The following SLMAP variants were observed in gnomAD, a reference collection of about 807,000 sequenced individuals.
SLMAP encodes sarcolemma associated protein, also known as sarcolemmal membrane-associated protein.
A neutral mutation model predicts 128.8 loss-of-function variants in SLMAP; 44 were observed. The observed-to-expected ratio is 0.34, with a 90% CI of 0.27 to 0.44. SLMAP has a LOEUF of 0.44. SLMAP is among the 20% of genes least tolerant of loss of function. The probability of loss-of-function intolerance (pLI) is 1.00; values close to 1 mark genes in which losing one functional copy is unlikely to be tolerated. For missense variants in SLMAP, 787 were observed against 985.3 expected (o/e 0.80, Z 2.69); for synonymous variants, 327 against 348.8 (o/e 0.94, Z 0.70).
intron 14 of SLMAP, among the ~76,000 whole-genome samples, chr3:57,872,632 A>G (rs78426828): frequency 1.6e-4 from 24 of 152,324 alleles, no homozygotes; most frequent in East Asian, 5.8e-4. Context: ...AAGACAGACA[A>G]ACAAACAAAA....
rs1329024883 is a variant in SLMAP, at chr3:57,833,369, A to G, written c.346+1839A>G. Reference sequence around the variant, plus strand: ...TCTTTAGAAAATGCTATAGAAAGCTAAGAAGATGACCCTGAGATTCAAGGT... The same window carrying G: ...TCTTTAGAAAATGCTATAGAAAGCTGAGAAGATGACCCTGAGATTCAAGGT... On this transcript the variant is annotated intron_variant, in intron 3 of 24. Coordinates refer to ENST00000671191, the MANE Select transcript of SLMAP (RefSeq NM_001377540.1). Among the ~76,000 whole-genome samples the G allele has an allele frequency of 5.3e-5, 8 of 152,192 alleles. No homozygotes were observed. The East Asian group carries it at 1.3e-3, about 26-fold the overall frequency.
chr3:57,853,354 C>T (rs1250070652), intron 6 of SLMAP, among the ~76,000 whole-genome samples: 5 of 152,060 alleles, frequency 3.3e-5, no homozygotes, highest in Non-Finnish European at 5.9e-5. Flanking sequence ...CAAAATTTTC[C>T]GTAGTCATTA....
chr3:57,906,625 A>T (rs1033036687), intron 17 of SLMAP, among the ~76,000 whole-genome samples: 1 of 147,468 alleles, frequency 6.8e-6, no homozygotes, highest in African/African-American at 2.5e-5. Flanking sequence ...GCCAGAATAC[A>T]ATTTTTCTAG....
In SLMAP at chr3:57,804,627, C is replaced by G. The variant is rs148936200; in HGVS notation, c.199-26756C>G. ...GAGTGTAGTGTTGTGCACTTGTAGT[C>G]CCAGCTACCTGGGAGGCTGAGGTAG... On this transcript the variant is annotated intron_variant, in intron 2 of 24. Transcript: ENST00000671191. 5.3e-3 allele frequency among the ~76,000 whole-genome samples: 806 copies of G among 152,080 alleles called. 3 individuals carry two copies. The highest frequency in any genetic ancestry group is 0.01 in the Middle Eastern group (3 of 294).
chr3:57,916,997 G>C lies in SLMAP; in HGVS notation c.2230G>C (p.Glu744Gln). 3 of 1,613,956 alleles carry C rather than the reference G, an allele frequency of 1.9e-6. No individual in the cohort carries two copies. The highest frequency in any genetic ancestry group is 1.7e-6 in the Non-Finnish European group (2 of 1,179,914). ...ELENQVGSLK[E>Q]QHLRDSADLK... ...TGAGAATCAAGTGGGATCCTTGAAA[G>C]AACAGCATCTTCGGGATTCAGCTGA... The change falls in exon 22 of 25, where the codon GAA becomes CAA. Residue 744 changes from glutamate to glutamine, a missense_variant. This residue lies in a region of SLMAP where 715 missense variants were observed against 843.6 expected (regional missense o/e 0.85). Coordinates refer to ENST00000671191, the MANE Select transcript of SLMAP (RefSeq NM_001377540.1).
chr3:57,869,659 T>TATATATATATAA (rs1213782539), intron 13 of SLMAP, among the ~76,000 whole-genome samples: 1 of 115,446 alleles, frequency 8.7e-6, no homozygotes, highest in South Asian at 2.7e-4. Flanking sequence ...TATATATATA[T>TATATATATATAA]AATATATATA....
At chr3:57,878,418 TTCTTCATCATA>T (rs1486449926) in intron 14 of SLMAP, among the ~76,000 whole-genome samples, 1 of 152,232 alleles carries the variant, frequency 6.6e-6, no homozygotes, top group Non-Finnish European at 1.5e-5. Flanking sequence ...TAATCTCAGT[TTCTTCATCATA>T]TTTTCTCTTG....
intron 19 of SLMAP, among the ~76,000 whole-genome samples, chr3:57,912,110 T>C (rs2096715712): frequency 6.6e-6 from 1 of 152,184 alleles, no homozygotes; most frequent in Non-Finnish European, 1.5e-5. Flanking sequence ...CTATTTAATG[T>C]TTGTTTTTAC....
intron 14 of SLMAP, 152 bp from the exon 15 acceptor site, chr3:57,889,889 G>T (rs2096012053): frequency 1.9e-6 from 1 of 539,906 alleles, no homozygotes; most frequent in Admixed American, 3.1e-5. Flanking sequence ...AGTTCTCTTA[G>T]TTCCCCTTCC....
At chr3:57,884,655 A>G (rs1017167645) in intron 14 of SLMAP, among the ~76,000 whole-genome samples, 2 of 152,098 alleles carry the variant, frequency 1.3e-5, no homozygotes, top group African/African-American at 4.8e-5. Flanking sequence ...AAAAAATGCA[A>G]AGAATCAGCC....
At chr3:57,884,875 A>C (rs1189510803) in intron 14 of SLMAP, among the ~76,000 whole-genome samples, 1 of 152,152 alleles carries the variant, frequency 6.6e-6, no homozygotes, top group East Asian at 1.9e-4. Flanking sequence ...CAGTGGGTGT[A>C]ATAAGCCCTG....
chr3:57,853,998 T>TAA (rs1485109106), intron 6 of SLMAP, among the ~76,000 whole-genome samples: 3 of 108,030 alleles, frequency 2.8e-5, no homozygotes, highest in African/African-American at 1.1e-4. Flanking sequence ...TATATATATA[T>TAA]ATTTACATAT....
At chr3:57,825,675 C>G (rs2092874419) in intron 2 of SLMAP, among the ~76,000 whole-genome samples, 1 of 151,994 alleles carries the variant, frequency 6.6e-6, no homozygotes. Context: ...GAAAGCCTTG[C>G]ACCAGTTCTT....
chr3:57,759,058 G>A (rs961112071), intron 2 of SLMAP, among the ~76,000 whole-genome samples: 3 of 152,186 alleles, frequency 2.0e-5, no homozygotes, highest in Non-Finnish European at 4.4e-5. Flanking sequence ...CTGATTTAAG[G>A]AATTATTTTG....
At chr3:57,791,129 G>C (rs1195768267) in intron 2 of SLMAP, among the ~76,000 whole-genome samples, 1 of 152,182 alleles carries the variant, frequency 6.6e-6, no homozygotes, top group Non-Finnish European at 1.5e-5. Context: ...ACTGAGGCGG[G>C]CAGATCACTT....
At chr3:57,922,811 C>T (rs1277741029) in intron 22 of SLMAP, 78 bp from the exon 23 acceptor site, 26 of 1,308,748 alleles carry the variant, frequency 2.0e-5, no homozygotes, top group Non-Finnish European at 2.6e-5. Context: ...TAGGATCTGG[C>T]GTATAAACCT....
intron 2 of SLMAP, among the ~76,000 whole-genome samples, chr3:57,806,498 C>G (rs988220293): frequency 6.6e-6 from 1 of 151,934 alleles, no homozygotes; most frequent in Non-Finnish European, 1.5e-5. Context: ...AGTGCAGTGG[C>G]ACAATCTTGG....
At chr3:57,901,308 A>G (rs2096374645) in intron 17 of SLMAP, 1 of 152,186 alleles carries the variant, frequency 6.6e-6, no homozygotes, top group African/African-American at 2.4e-5. Flanking sequence ...CATTTACCAC[A>G]CAGAGAGTTA....
chr3:57,872,523 G>C (rs567882615), intron 14 of SLMAP, among the ~76,000 whole-genome samples: 1 of 152,248 alleles, frequency 6.6e-6, no homozygotes, highest in African/African-American at 2.4e-5. Flanking sequence ...GGAGGCTGAG[G>C]CAGGAGAATT....
Sources: gnomAD v4.1 joint callset for allele counts (sites outside exome capture counted in the v4.1 genomes callset) on GRCh38, gnomAD v4.1.1 for gene constraint, gnomAD v4.1.1 regional missense constraint, MANE v1.5 for transcripts, NCBI Gene and HGNC (gene_info 2026-07-23, HGNC 2026-07-21) for gene names.